RBPJ: variants seen among roughly 807,000 people sequenced by gnomAD.
RBPJ encodes the protein recombination signal binding protein for immunoglobulin kappa J region.
Under a neutral mutation model 67.8 loss-of-function variants are expected in RBPJ, and 9 were observed. That is an observed-to-expected ratio of 0.13 (90% confidence interval 0.08 to 0.23). RBPJ has a LOEUF of 0.23. RBPJ is among the 10% of genes least tolerant of loss of function. The pLI is 1.00. For synonymous variants in RBPJ, 198 were observed against 203.3 expected, an observed-to-expected ratio of 0.97 and a Z score of 0.22; for missense variants, 305 against 595.6, an observed-to-expected ratio of 0.51 and a Z score of 5.08.
upstream of RBPJ, among the ~76,000 whole-genome samples, chr4:26,160,891 A>G (rs1002878763): frequency 5.3e-5 from 8 of 152,178 alleles, no homozygotes; most frequent in Non-Finnish European, 1.0e-4. Flanking sequence ...ATTGAGGGGA[A>G]AGGGGCCTCT....
intron 1 of RBPJ, among the ~76,000 whole-genome samples, chr4:26,259,627 A>G (rs1208221024): frequency 6.6e-6 from 1 of 152,216 alleles, no homozygotes; most frequent in African/African-American, 2.4e-5. Context: ...CAGGTGCACC[A>G]GTTGTGCCAC....
rs1174429488 is a variant in RBPJ at position 26,434,259 on chromosome 4, T to TTTTTG, written c.*3267_*3271dup. The TTTTTG allele has an allele frequency of 6.6e-6, 1 of 152,188 alleles. No individual in the cohort carries two copies. Among genetic ancestry groups the TTTTTG allele is most frequent in the African/African-American group, 2.4e-5 (1 of 41,448 alleles). 9.4% of individuals were successfully genotyped at this position (152,188 alleles called of 1,614,324 possible). On this transcript the variant is annotated 3_prime_UTR_variant, in exon 11 of 11. Coordinates refer to ENST00000355476, the MANE Select transcript of RBPJ (RefSeq NM_015874.6). ...TATCTGCAATCATAACTGGTTAGTT[T>TTTTTG]TTTTGTTTTGTTTTGTTTTATTGTT...
intron 1 of RBPJ, among the ~76,000 whole-genome samples, chr4:26,309,537 G>A (rs1041950837): frequency 4.6e-5 from 7 of 152,152 alleles, no homozygotes; most frequent in African/African-American, 1.4e-4. Flanking sequence ...CCTTTTGCAG[G>A]TGAGGAAAAA....
rs1736498390 is a variant in RBPJ, at chr4:26,434,470, T to C, written c.*3463T>C. On this transcript the variant is annotated 3_prime_UTR_variant, in exon 11 of 11. Transcript: ENST00000355476. ...AAGCAGCTGTGTTTCTGATAAGTAC[T>C]GAACAAATGTGTGTAATTTTCTGTG... The C allele has an allele frequency of 6.6e-6, 1 of 152,256 alleles. No individual in the cohort carries two copies. The highest frequency in any genetic ancestry group is 1.5e-5 in the Non-Finnish European group (1 of 68,040). The allele number at this position is 152,256 out of a possible 1,614,324, so 9.4% of individuals were successfully genotyped here.
In RBPJ at chr4:26,421,309, C is replaced by CT. The variant is rs201283151; in HGVS notation, c.496+595dup. On this transcript the variant is annotated intron_variant, in intron 5 of 10. Coordinates refer to ENST00000355476, the MANE Select transcript of RBPJ (RefSeq NM_015874.6). ...TTAACTTTTTATTATGGAGACTTTT[C>CT]TTTTTTTTTTTGAGATGGACTCTTA... Among the ~76,000 whole-genome samples, 513 of 145,964 alleles carry CT rather than the reference C, an allele frequency of 3.5e-3. 2 individuals are homozygous for CT. The highest frequency in any genetic ancestry group is 9.4e-3 in the African/African-American group (378 of 40,072).
intron 1 of RBPJ, among the ~76,000 whole-genome samples, chr4:26,376,239 A>G (rs1365034930): frequency 2.0e-5 from 3 of 152,166 alleles, no homozygotes; most frequent in Admixed American, 6.5e-5. Flanking sequence ...AGAAATTTTC[A>G]TCCTCCCAAA....
At chr4:26,347,948 T>C (rs1350523784) in intron 1 of RBPJ, among the ~76,000 whole-genome samples, 1 of 151,740 alleles carries the variant, frequency 6.6e-6, no homozygotes, top group Non-Finnish European at 1.5e-5. Flanking sequence ...TTTCCTTTTT[T>C]TTTTTCTTTT....
At chr4:26,234,244 C>A (rs1192174554) in intron 1 of RBPJ, among the ~76,000 whole-genome samples, 1 of 152,126 alleles carries the variant, frequency 6.6e-6, no homozygotes, top group Non-Finnish European at 1.5e-5. Context: ...TCATTTCTTG[C>A]CTAAAAAGGG....
At chr4:26,120,420 A>G in the RBPJ span, among the ~76,000 whole-genome samples, 1 of 152,118 alleles carries the variant, frequency 6.6e-6, no homozygotes, top group African/African-American at 2.4e-5. Flanking sequence ...TCTATAGAAC[A>G]CCCATACCTG....
At chr4:26,319,703 T>A, upstream of RBPJ, 2 of 701,944 alleles carry the variant, frequency 2.8e-6, no homozygotes, top group East Asian at 5.4e-5. Context: ...GAGACTGGAC[T>A]GCCCGCATTG....
intron 1 of RBPJ, among the ~76,000 whole-genome samples, chr4:26,385,181 C>T (rs13116044): frequency 0.5 from 74,090 of 148,958 alleles, 19,595 homozygotes; most frequent in Admixed American, 0.62. Flanking sequence ...CCACCACACC[C>T]GGCTAATTTT....
Position 26,351,349 on chromosome 4 carries a change from C to G in RBPJ, c.20+30301C>G, listed in dbSNP as rs749865643. ...AGACACAGAAGTTTTTGATCACATA[C>G]TTAGGTCTCCAGGCATCACTTGAGA... On this transcript the variant is annotated intron_variant, in intron 1 of 10. Transcript: ENST00000355476. 7.9e-5 allele frequency among the ~76,000 whole-genome samples: 12 copies of G among 152,142 alleles called. 1 individual carries two copies. Among genetic ancestry groups the G allele is most frequent in the Non-Finnish European group, 1.8e-4 (12 of 68,036 alleles).
intron 1 of RBPJ, among the ~76,000 whole-genome samples, chr4:26,277,845 C>G (rs185367469): frequency 1.6e-3 from 248 of 152,324 alleles, no homozygotes; most frequent in Non-Finnish European, 2.6e-3. Context: ...ATGTATTACT[C>G]TCTCCCATAG....
chr4:26,120,298 C>A, the RBPJ span, among the ~76,000 whole-genome samples: 26 of 152,254 alleles, frequency 1.7e-4, no homozygotes, highest in African/African-American at 6.3e-4. Context: ...GCTGGGCAGG[C>A]TTTTCAACTG....
At chr4:26,120,852 T>A in the RBPJ span, among the ~76,000 whole-genome samples, 1 of 151,026 alleles carries the variant, frequency 6.6e-6, no homozygotes, top group Non-Finnish European at 1.5e-5. Flanking sequence ...AAATTAGAAT[T>A]CCTGAGATGC....
chr4:26,168,410 T>C (rs930797601), intron 1 of RBPJ, among the ~76,000 whole-genome samples: 12 of 152,264 alleles, frequency 7.9e-5, no homozygotes, highest in African/African-American at 2.7e-4. Context: ...CCCCACTCTC[T>C]TCTGGCTTGT....
At chr4:26,418,686 A>G (rs1734829372) in intron 4 of RBPJ, among the ~76,000 whole-genome samples, 1 of 152,202 alleles carries the variant, frequency 6.6e-6, no homozygotes, top group African/African-American at 2.4e-5. Flanking sequence ...AGCCATCTCA[A>G]CATTTTTAAG....
At chr4:26,311,818 C>A (rs1259591976) in intron 1 of RBPJ, among the ~76,000 whole-genome samples, 1 of 152,090 alleles carries the variant, frequency 6.6e-6, no homozygotes, top group Non-Finnish European at 1.5e-5. Flanking sequence ...ATAATACTAG[C>A]ATTTTGGGAG....
chr4:26,379,790 G>A (rs1462708883), intron 1 of RBPJ, among the ~76,000 whole-genome samples: 1 of 152,098 alleles, frequency 6.6e-6, no homozygotes, highest in Non-Finnish European at 1.5e-5. Context: ...GCCCAAGGCT[G>A]GTCTTGAACT....
Sources: allele counts gnomAD v4.1 joint callset (sites outside exome capture counted in the v4.1 genomes callset), GRCh38; gene constraint gnomAD v4.1.1; transcripts MANE v1.5; gene names NCBI Gene and HGNC (gene_info 2026-07-23, HGNC 2026-07-21).